TRIOBP: variants seen among roughly 807,000 people sequenced by gnomAD.
TRIOBP encodes TRIO and F-actin-binding protein.
A neutral mutation model predicts 238.8 loss-of-function variants in TRIOBP; 169 were observed. The ratio of observed to expected loss-of-function variants is 0.71; its 90% confidence interval spans 0.62 to 0.80. The LOEUF is 0.80. Ranked by LOEUF, TRIOBP falls within the 30% of genes least tolerant of loss-of-function variation. The probability of loss-of-function intolerance (pLI) is 0.00; values close to 1 mark genes in which losing one functional copy is unlikely to be tolerated. For synonymous variants in TRIOBP, 1,150 were observed against 1,274.4 expected (o/e 0.90, Z 2.08); for missense variants, 2,838 against 3,122.6 (o/e 0.91, Z 2.17).
rs1435437000 is a variant in TRIOBP, at chr22:37,743,891, T to G, written c.5322+2859T>G. ...GCTGGGTGTGTGTGTGTGTGTGTGC[T>G]GGGGTACAGAAGACAGGAAGAGAAG... On this transcript the variant is annotated intron_variant, in intron 11 of 23. Coordinates refer to ENST00000644935, the MANE Select transcript of TRIOBP (RefSeq NM_001039141.3). Among the ~76,000 whole-genome samples, 3 of 113,928 alleles carry G rather than the reference T, an allele frequency of 2.6e-5. No individual in the cohort carries two copies. In the East Asian group the frequency reaches 7.7e-4, roughly 29 times the overall value. 74.7% of individuals were successfully genotyped at this position (113,928 alleles called of 152,430 possible).
At chr22:37,717,073 C>T (rs1923560004) in intron 6 of TRIOBP, among the ~76,000 whole-genome samples, 2 of 152,256 alleles carry the variant, frequency 1.3e-5, no homozygotes, top group South Asian at 4.2e-4. Flanking sequence ...GGAGTTTGTT[C>T]CTTCTGATGT....
chr22:37,712,211 G>A (rs1476878453), intron 4 of TRIOBP, among the ~76,000 whole-genome samples: 3 of 151,862 alleles, frequency 2.0e-5, no homozygotes, highest in South Asian at 2.1e-4. Context: ...ATTTTGAGAT[G>A]GCATCTTGCT....
chr22:37,751,358 T>C (rs985290477), intron 11 of TRIOBP: 2 of 338,224 alleles, frequency 5.9e-6, no homozygotes, highest in Non-Finnish European at 1.2e-5. Flanking sequence ...GGGCACTTGG[T>C]CCTCGTCAGA....
chr22:37,742,269 TTTTTTTTA>T, intron 11 of TRIOBP, among the ~76,000 whole-genome samples: 2 of 149,028 alleles, frequency 1.3e-5, no homozygotes, highest in Non-Finnish European at 3.0e-5. Context: ...TTTTTTTTTT[TTTTTTTTA>T]AATTAAGATA....
At position 37,715,860 on chromosome 22, in the gene TRIOBP, A is replaced by G; in HGVS notation, c.554A>G (p.Asp185Gly). 6.2e-7 allele frequency: 1 copy of G among 1,613,924 alleles called. No homozygotes were observed. The highest frequency in any genetic ancestry group is 8.5e-7 in the Non-Finnish European group (1 of 1,179,958). Reference protein sequence around the residue: ...PRRPREGPRADSSQRAPSLLT... With the variant: ...PRRPREGPRAGSSQRAPSLLT... Reference sequence around the variant, plus strand: ...AGGCCTCGGGAGGGGCCGAGAGCTGACAGCTCCCAAAGGGCTCCGTCTCTC... The same window carrying G: ...AGGCCTCGGGAGGGGCCGAGAGCTGGCAGCTCCCAAAGGGCTCCGTCTCTC... The change falls in exon 6 of 24, where the codon GAC becomes GGC. Residue 185 changes from aspartate (D) to glycine (G), a missense_variant. Physicochemically the swap from Asp to Gly is moderately conservative, Grantham distance 94. This residue lies in a region of TRIOBP where 535 missense variants were observed against 537.3 expected (regional missense o/e 1.00). Coordinates refer to ENST00000644935, the MANE Select transcript of TRIOBP (RefSeq NM_001039141.3).
intron 6 of TRIOBP, among the ~76,000 whole-genome samples, chr22:37,717,945 A>T (rs1206321690): frequency 6.6e-6 from 1 of 152,138 alleles, no homozygotes; most frequent in Non-Finnish European, 1.5e-5. Context: ...GGCGGGGGGA[A>T]GCTCAGGCAT....
chr22:37,762,678 TGGA>T lies in TRIOBP; in HGVS notation c.6325-2987_6325-2985del, dbSNP rs528044166. On this transcript the variant is annotated intron_variant, in intron 17 of 23. Coordinates refer to ENST00000644935, the MANE Select transcript of TRIOBP (RefSeq NM_001039141.3). ...GGAGCAGAGCTGAAGACCAGGCAGG[TGGA>T]GGAGTGACCCCAGATGCGGAAGGCA... Among the ~76,000 whole-genome samples, 3 of 152,100 alleles carry T rather than the reference TGGA, an allele frequency of 2.0e-5. No homozygotes were observed. In the South Asian group the frequency reaches 6.2e-4, roughly 32 times the overall value.
At chr22:37,750,834 G>T in intron 11 of TRIOBP, 2 of 441,784 alleles carry the variant, frequency 4.5e-6, no homozygotes, top group Admixed American at 2.4e-5. Flanking sequence ...CACTGTCACC[G>T]CCCACTCCAC....
rs1039580539 is a variant in TRIOBP at position 37,738,690 on chromosome 22, C to G, written c.5155C>G (p.Pro1719Ala). The G allele has an allele frequency of 6.2e-7, 1 of 1,613,810 alleles. No individual in the cohort carries two copies. Among genetic ancestry groups the G allele is most frequent in the Non-Finnish European group, 8.5e-7 (1 of 1,179,954 alleles). The change falls in exon 10 of 24, where the codon CCC becomes GCC. Residue 1719 changes from proline to alanine, a missense_variant. Physicochemically the swap from Pro to Ala is conservative, Grantham distance 27. Transcript: ENST00000644935. Reference sequence around the variant, plus strand: ...GTCAGAACCAAGCAGAGGCCAAGACCCCCTGACTGACCAGAAGCAGGCAGA... The same window carrying G: ...GTCAGAACCAAGCAGAGGCCAAGACGCCCTGACTGACCAGAAGCAGGCAGA... ...EESEPSRGQD[P>A]LTDQKQADSA...
intron 14 of TRIOBP, 47 bp from the exon 15 acceptor site, chr22:37,755,503 T>A: frequency 6.5e-7 from 1 of 1,533,908 alleles, no homozygotes; most frequent in Non-Finnish European, 9.0e-7. Flanking sequence ...GGGGAGGGAG[T>A]CATGCGGCTG....
chr22:37,752,024 G>A (rs767044565), intron 12 of TRIOBP, among the ~76,000 whole-genome samples, 196 bp downstream of exon 12: 1 of 152,112 alleles, frequency 6.6e-6, no homozygotes, highest in Non-Finnish European at 1.5e-5. Context: ...GCAAGGGGCC[G>A]TCTAGCCCCT....
chr22:37,734,353 G>C (rs752764521), intron 8 of TRIOBP, 46 bp from the exon 9 acceptor site: 2 of 1,563,206 alleles, frequency 1.3e-6, no homozygotes, highest in Non-Finnish European at 8.8e-7. Flanking sequence ...CTGGCAGCCA[G>C]GTCCCCAGAG....
At position 37,708,121 on chromosome 22, in the gene TRIOBP, C is replaced by T. The variant is rs185599298; in HGVS notation, c.115-2306C>T. Among the ~76,000 whole-genome samples the T allele has an allele frequency of 1.4e-3, 214 of 151,224 alleles. 1 individual carries two copies. Among genetic ancestry groups the T allele is most frequent in the African/African-American group, 5.2e-3 (213 of 41,130 alleles). On this transcript the variant is annotated intron_variant, in intron 3 of 23. Transcript: ENST00000644935. ...ATTAGCTGGGCATGGTGGCGGGCGTCCATAGTCCCAGCTACTCGGGAGGCT... is the reference window on the plus strand; with the variant it reads ...ATTAGCTGGGCATGGTGGCGGGCGTTCATAGTCCCAGCTACTCGGGAGGCT...
intron 17 of TRIOBP, among the ~76,000 whole-genome samples, chr22:37,760,591 A>G (rs1008214051): frequency 3.9e-5 from 6 of 152,234 alleles, no homozygotes; most frequent in African/African-American, 1.2e-4. Context: ...TATAAATTTA[A>G]TTGTTAATGG....
intron 16 of TRIOBP, among the ~76,000 whole-genome samples, chr22:37,758,511 C>CA (rs1012345162): frequency 2.0e-4 from 31 of 151,686 alleles, no homozygotes; most frequent in Non-Finnish European, 4.0e-4. Context: ...CCCATGTCTA[C>CA]AAAAAAATAC....
chr22:37,719,493 G>A (rs1475636706), intron 6 of TRIOBP, among the ~76,000 whole-genome samples: 1 of 152,046 alleles, frequency 6.6e-6, no homozygotes. Context: ...TGGAGATGTG[G>A]CATCTTCAAC....
intron 11 of TRIOBP, among the ~76,000 whole-genome samples, chr22:37,748,233 T>C (rs761537370): frequency 3.3e-5 from 5 of 152,170 alleles, no homozygotes; most frequent in Admixed American, 6.5e-5. Context: ...TCATCCTGGC[T>C]GCCATGCAGA....
chr22:37,723,467 C>A lies in TRIOBP; in HGVS notation c.911C>A (p.Ser304Tyr). 1 of 1,613,364 alleles carries A rather than the reference C, an allele frequency of 6.2e-7. No individual in the cohort carries two copies. The highest frequency in any genetic ancestry group is 8.5e-7 in the Non-Finnish European group (1 of 1,179,804). Reference protein sequence around the residue: ...STQQEISRASSTQQETSRASS... With the variant: ...STQQEISRASYTQQETSRASS... ...CAACAGGAAATCTCCAGGGCCTCATCCACCCAACAGGAAACCTCCAGGGCC... is the reference window on the plus strand; with the variant it reads ...CAACAGGAAATCTCCAGGGCCTCATACACCCAACAGGAAACCTCCAGGGCC... Residue 304 changes from serine to tyrosine, a missense_variant, in exon 7 of 24, where the codon TCC becomes TAC. By Grantham distance (144) the Ser-to-Tyr change is moderately radical. Around this residue, in one of 5 missense-constraint regions of TRIOBP, gnomAD observed 535 missense variants for 537.3 expected, o/e 1.00. Coordinates refer to ENST00000644935, the MANE Select transcript of TRIOBP (RefSeq NM_001039141.3).
At position 37,726,415 on chromosome 22, in the gene TRIOBP, C is replaced by T; in HGVS notation, c.3859C>T (p.Pro1287Ser). ...PPPRRLAQRQ[P>S]GPQAQCSSGG... Reference sequence around the variant, plus strand: ...ACCCAGGAGGCTGGCCCAGAGACAGCCAGGGCCCCAGGCGCAGTGCAGCAG... The same window carrying T: ...ACCCAGGAGGCTGGCCCAGAGACAGTCAGGGCCCCAGGCGCAGTGCAGCAG... Residue 1287 changes from proline (P) to serine (S), a missense_variant, in exon 7 of 24, where the codon CCA (proline) becomes TCA (serine). Around this residue, in one of 5 missense-constraint regions of TRIOBP, gnomAD observed 2,096 missense variants for 2,137.4 expected, o/e 0.98. Coordinates refer to ENST00000644935, the MANE Select transcript of TRIOBP (RefSeq NM_001039141.3). The T allele has an allele frequency of 6.3e-7, 1 of 1,584,744 alleles. No homozygotes were observed.
Sources: allele counts gnomAD v4.1 joint callset (sites outside exome capture counted in the v4.1 genomes callset), GRCh38; gene constraint gnomAD v4.1.1; regional missense constraint gnomAD v4.1.1; transcripts MANE v1.5; gene names NCBI Gene and HGNC (gene_info 2026-07-23, HGNC 2026-07-21).